The following TFB1M variants were observed in gnomAD, a reference collection of about 807,000 sequenced individuals.
TFB1M encodes the protein dimethyladenosine transferase 1, mitochondrial.
A neutral mutation model predicts 31.1 loss-of-function variants in TFB1M; 27 were observed. The observed-to-expected ratio is 0.87, with a 90% CI of 0.64 to 1.20. The LOEUF is 1.20. Among genes scored for constraint, TFB1M ranks in the 50% most tolerant of loss-of-function variants. TFB1M has a pLI of 0.00. For synonymous variants in TFB1M, 166 were observed against 151.8 expected (o/e 1.09, Z -0.69); for missense variants, 394 against 418.7 (o/e 0.94, Z 0.51).
rs1784109128 is a variant in TFB1M, at chr6:155,257,179, A to AGT, written c.*655_*656dup. 2 of 1,107,386 alleles carry AGT rather than the reference A, an allele frequency of 1.8e-6. No homozygotes were observed. Among genetic ancestry groups the AGT allele is most frequent in the Admixed American group, 4.5e-5 (2 of 44,428 alleles). 68.6% of individuals were successfully genotyped at this position (1,107,386 alleles called of 1,614,324 possible). On this transcript the variant is annotated 3_prime_UTR_variant, in exon 7 of 7. Coordinates refer to ENST00000367166, the MANE Select transcript of TFB1M (RefSeq NM_016020.4). ...CATTTTACTTTTAAACTGGTGGTAA[A>AGT]GTGGAAATTGCAAAAAAAAAAAAAA...
the TFB1M span, among the ~76,000 whole-genome samples, chr6:155,248,364 A>C: frequency 2.6e-5 from 4 of 152,272 alleles, no homozygotes; most frequent in South Asian, 8.3e-4. Context: ...GCGTCTGGGC[A>C]CTCCTTTAGA....
the TFB1M span, among the ~76,000 whole-genome samples, chr6:155,238,281 CTTA>C: frequency 1.6e-4 from 24 of 152,328 alleles, no homozygotes; most frequent in African/African-American, 5.1e-4. Flanking sequence ...CAGCCTGGAC[CTTA>C]TTATTCATTT....
intron 5 of TFB1M, among the ~76,000 whole-genome samples, chr6:155,278,518 C>G (rs1167108753): frequency 6.6e-6 from 1 of 152,234 alleles, no homozygotes; most frequent in Admixed American, 6.5e-5. Flanking sequence ...ATGGCAAGTG[C>G]TTCCTAACAC....
At chr6:155,245,728 C>A in the TFB1M span, 1 of 1,506,940 alleles carries the variant, frequency 6.6e-7, no homozygotes, top group East Asian at 2.3e-5. Context: ...GGTTCTGGAG[C>A]GAGGTAAGTT....
the TFB1M span, among the ~76,000 whole-genome samples, chr6:155,232,070 G>C: frequency 6.6e-6 from 1 of 151,292 alleles, no homozygotes; most frequent in African/African-American, 2.4e-5. Context: ...GATAGAGTGA[G>C]ACTCTGTCTC....
intron 5 of TFB1M, among the ~76,000 whole-genome samples, chr6:155,265,605 G>A (rs1177754330): frequency 6.6e-6 from 1 of 150,772 alleles, no homozygotes; most frequent in African/African-American, 2.4e-5. Context: ...TTATTTTCAA[G>A]ATTGAATGGA....
At chr6:155,250,437 C>G in the TFB1M span, 1 of 889,872 alleles carries the variant, frequency 1.1e-6, no homozygotes, top group East Asian at 2.7e-5. Flanking sequence ...AGCCAGCATG[C>G]AGGAAGTAGC....
chr6:155,279,477 T>C (rs1349334626), intron 5 of TFB1M, among the ~76,000 whole-genome samples: 2 of 152,158 alleles, frequency 1.3e-5, no homozygotes. Flanking sequence ...GGGTGGATGA[T>C]GCCATTAGTC....
At chr6:155,310,218 T>C (rs1328799559) in intron 2 of TFB1M, among the ~76,000 whole-genome samples, 1 of 152,178 alleles carries the variant, frequency 6.6e-6, no homozygotes, top group Non-Finnish European at 1.5e-5. Flanking sequence ...AACTACATTA[T>C]TCTATTATAG....
the TFB1M span, among the ~76,000 whole-genome samples, chr6:155,238,835 A>G: frequency 3.3e-5 from 5 of 152,118 alleles, no homozygotes; most frequent in East Asian, 1.9e-4. Context: ...AACTGTTTCT[A>G]CTTCTTTGGA....
chr6:155,271,433 A>T (rs1562394526), intron 5 of TFB1M, among the ~76,000 whole-genome samples: 1 of 152,222 alleles, frequency 6.6e-6, no homozygotes, highest in African/African-American at 2.4e-5. Context: ...CACAAATCTA[A>T]GTGGAAGCAA....
intron 5 of TFB1M, among the ~76,000 whole-genome samples, chr6:155,265,785 AAT>A (rs996703375): frequency 6.8e-6 from 1 of 146,602 alleles, no homozygotes; most frequent in Non-Finnish European, 1.5e-5. Flanking sequence ...GTAAATATTA[AAT>A]ATATATATAA....
chr6:155,278,589 C>T (rs116200741), intron 5 of TFB1M, among the ~76,000 whole-genome samples: 1,533 of 152,292 alleles, frequency 0.01, 29 homozygotes, highest in African/African-American at 0.035. Flanking sequence ...AACAACTCTA[C>T]CAGGTAGGCA....
At chr6:155,303,888 G>A (rs1254854506) in intron 2 of TFB1M, among the ~76,000 whole-genome samples, 1 of 152,166 alleles carries the variant, frequency 6.6e-6, no homozygotes, top group African/African-American at 2.4e-5. Flanking sequence ...GCTAAAAAAG[G>A]TTTAACAGCA....
At chr6:155,234,800 A>G in the TFB1M span, among the ~76,000 whole-genome samples, 2 of 152,222 alleles carry the variant, frequency 1.3e-5, no homozygotes, top group Admixed American at 6.5e-5. Context: ...CTGCCTCTCT[A>G]AGCAGAGGTG....
Position 155,286,605 on chromosome 6 carries a change from GTGTA to G in TFB1M, c.547-1332_547-1329del, listed in dbSNP as rs1163760488. 7.4e-3 allele frequency among the ~76,000 whole-genome samples: 1,052 copies of G among 141,916 alleles called. 22 individuals carry two copies. Among genetic ancestry groups the G allele is most frequent in the African/African-American group, 0.027 (1,003 of 36,786 alleles). 93.1% of individuals were successfully genotyped at this position (141,916 alleles called of 152,430 possible). A position where few individuals can be genotyped will look rare whatever the true frequency, so the allele number is the denominator to read the frequency against. On this transcript the variant is annotated intron_variant, in intron 4 of 6. Transcript: ENST00000367166. ...TATATGTATATGTGTGTATATATGT[GTGTA>G]TATATATGTGTATATATGTGTGCAT...
At chr6:155,233,385 C>T in the TFB1M span, among the ~76,000 whole-genome samples, 87 of 152,058 alleles carry the variant, frequency 5.7e-4, no homozygotes, top group Non-Finnish European at 6.3e-4. Context: ...TTAGAAGGTT[C>T]ATCTGAGTGA....
At chr6:155,304,197 G>A (rs571022009) in intron 2 of TFB1M, among the ~76,000 whole-genome samples, 84 of 152,116 alleles carry the variant, frequency 5.5e-4, no homozygotes, top group African/African-American at 1.9e-3. Context: ...CAGGAGAATC[G>A]CTTGAGCCTG....
chr6:155,245,587 C>T, the TFB1M span: 2 of 1,546,888 alleles, frequency 1.3e-6, no homozygotes, highest in Non-Finnish European at 1.8e-6. Flanking sequence ...ATTGATTAAA[C>T]CATGTCTGAT....
Sources: allele counts gnomAD v4.1 joint callset (sites outside exome capture counted in the v4.1 genomes callset), GRCh38; gene constraint gnomAD v4.1.1; transcripts MANE v1.5; gene names NCBI Gene and HGNC (gene_info 2026-07-23, HGNC 2026-07-21).